Variants in ZSWIM6 observed in about 807,000 individuals in gnomAD.
ZSWIM6 encodes the protein zinc finger SWIM domain-containing protein 6.
In ZSWIM6, 9 loss-of-function variants were observed where a neutral mutation model predicts 113.2. The ratio of observed to expected loss-of-function variants is 0.08; its 90% CI spans 0.05 to 0.14. The LOEUF is 0.14. ZSWIM6 is among the 10% of genes least tolerant of loss of function. The pLI is 1.00. For missense variants in ZSWIM6, 1,162 were observed against 1,552.2 expected (o/e 0.75, Z 4.22); for synonymous variants, 611 against 606.5 (o/e 1.01, Z -0.11).
Position 61,455,528 on chromosome 5 carries a change from C to T in ZSWIM6, c.677-17153C>T, listed in dbSNP as rs529848938. Among the ~76,000 whole-genome samples the T allele has an allele frequency of 7.3e-4, 111 of 152,270 alleles. 1 individual carries two copies. The South Asian group carries it at 0.011, about 15-fold the overall frequency. On this transcript the variant is annotated intron_variant, in intron 1 of 13. Coordinates refer to ENST00000252744, the MANE Select transcript of ZSWIM6 (RefSeq NM_020928.2). ...TTTCCAAACTCCTGGAAGATTTAAA[C>T]CAGCATTTTAGAAGAACCAGAAGGA...
chr5:61,469,031 G>A (rs1222265533), intron 1 of ZSWIM6, among the ~76,000 whole-genome samples: 3 of 151,924 alleles, frequency 2.0e-5, no homozygotes, highest in African/African-American at 7.3e-5. Flanking sequence ...AAAACAAAAC[G>A]AATAGGCCTC....
chr5:61,395,334 A>G (rs984653049), intron 1 of ZSWIM6, among the ~76,000 whole-genome samples: 42 of 152,130 alleles, frequency 2.8e-4, no homozygotes, highest in African/African-American at 9.9e-4. Context: ...CTGACAGACC[A>G]AGAGAGGACA....
chr5:61,451,693 T>C (rs924702743), intron 1 of ZSWIM6, among the ~76,000 whole-genome samples: 21 of 152,208 alleles, frequency 1.4e-4, no homozygotes, highest in Admixed American at 1.3e-3. Context: ...CATTAATTAG[T>C]GAAGCTTGTT....
At chr5:61,388,611 G>T (rs1745639896) in intron 1 of ZSWIM6, among the ~76,000 whole-genome samples, 1 of 152,216 alleles carries the variant, frequency 6.6e-6, no homozygotes, top group African/African-American at 2.4e-5. Context: ...CAACAACCCT[G>T]TGAGAGATAA....
At chr5:61,340,258 A>G (rs887695062) in intron 1 of ZSWIM6, among the ~76,000 whole-genome samples, 3 of 152,212 alleles carry the variant, frequency 2.0e-5, no homozygotes, top group Non-Finnish European at 2.9e-5. Context: ...AGCTGATAGT[A>G]AACTGTTGCT....
At chr5:61,441,556 TTATC>T (rs1315846486) in intron 1 of ZSWIM6, among the ~76,000 whole-genome samples, 2 of 152,302 alleles carry the variant, frequency 1.3e-5, no homozygotes, top group African/African-American at 4.8e-5. Context: ...ACCTTAAAAA[TTATC>T]TAGTCTGTCT....
At chr5:61,336,910 G>A (rs2112020929) in intron 1 of ZSWIM6, among the ~76,000 whole-genome samples, 1 of 152,300 alleles carries the variant, frequency 6.6e-6, no homozygotes, top group Non-Finnish European at 1.5e-5. Context: ...TAACCCAATA[G>A]GAAAATGGGC....
intron 1 of ZSWIM6, among the ~76,000 whole-genome samples, chr5:61,355,898 A>C (rs1349388404): frequency 6.6e-6 from 1 of 152,212 alleles, no homozygotes; most frequent in East Asian, 1.9e-4. Flanking sequence ...ACTACTAGGA[A>C]ATTTAAAATT....
intron 1 of ZSWIM6, among the ~76,000 whole-genome samples, chr5:61,338,992 C>CT (rs1012455941): frequency 6.6e-6 from 1 of 151,904 alleles, no homozygotes; most frequent in Admixed American, 6.6e-5. Flanking sequence ...TCCTGGGCCT[C>CT]TTTTTTTTCC....
chr5:61,493,284 C>G (rs1748228168), intron 3 of ZSWIM6, among the ~76,000 whole-genome samples: 1 of 152,064 alleles, frequency 6.6e-6, no homozygotes, highest in Non-Finnish European at 1.5e-5. Context: ...TAGAAGTATG[C>G]TGCTGCTCTT....
intron 4 of ZSWIM6, among the ~76,000 whole-genome samples, chr5:61,508,627 T>C (rs563754500): frequency 3.9e-5 from 6 of 152,304 alleles, no homozygotes; most frequent in Non-Finnish European, 8.8e-5. Context: ...TACTGTCTCA[T>C]GAAAATATGA....
intron 3 of ZSWIM6, among the ~76,000 whole-genome samples, chr5:61,492,226 C>G (rs1261981279): frequency 6.6e-6 from 1 of 151,962 alleles, no homozygotes; most frequent in East Asian, 1.9e-4. Context: ...TCCATAAATA[C>G]TAATAATGTA....
rs756935198 is a variant in ZSWIM6, at chr5:61,535,519, C to T, written c.2281C>T (p.Arg761Trp). Residue 761 changes from arginine to tryptophan, a missense_variant, in exon 10 of 14, where the codon CGG (arginine) becomes TGG (tryptophan). Arg to Trp is a moderately radical substitution (Grantham distance 101, BLOSUM62 -3). Coordinates refer to ENST00000252744, the MANE Select transcript of ZSWIM6 (RefSeq NM_020928.2). ...PYSGLGEIIH[R>W]ESVPMHTFAK... ...TAGTGGTTTAGGTGAAATAATCCAT[C>T]GGGAGAGCGTTCCAATGCACACATT... 1.5e-5 allele frequency: 24 copies of T among 1,551,352 alleles called. No homozygotes were observed. In the Middle Eastern group the frequency reaches 2.3e-3, roughly 151 times the overall value.
chr5:61,427,517 C>T (rs1224401057), intron 1 of ZSWIM6, among the ~76,000 whole-genome samples: 6 of 152,122 alleles, frequency 3.9e-5, no homozygotes, highest in Non-Finnish European at 8.8e-5. Context: ...GTTGCTCTGT[C>T]ACCTAGGCTG....
At position 61,521,248 on chromosome 5, in the gene ZSWIM6, C is replaced by T. The variant is rs143225117; in HGVS notation, c.1334-15C>T. ...AATTTTTGAACATTTATTTTCCTTT[C>T]CTCCTTTAAATTAGGTGCTCTGTGG... is the stretch of plus-strand genomic sequence containing the variant. On this transcript the variant is annotated splice_polypyrimidine_tract_variant and intron_variant, in intron 4 of 13. Transcript: ENST00000252744. 28,282 of 1,290,292 alleles carry T rather than the reference C, an allele frequency of 0.022. 369 individuals carry two copies. Among genetic ancestry groups the T allele is most frequent in the Non-Finnish European group, 0.026 (25,820 of 1,006,152 alleles). The allele number at this position is 1,290,292 out of a possible 1,614,324, so 79.9% of individuals were successfully genotyped here. A position where few individuals can be genotyped will look rare whatever the true frequency, so the allele number is the denominator to read the frequency against.
chr5:61,464,690 C>G (rs1747397579), intron 1 of ZSWIM6, among the ~76,000 whole-genome samples: 2 of 152,178 alleles, frequency 1.3e-5, no homozygotes, highest in Admixed American at 6.5e-5. Flanking sequence ...TCTGAGCATA[C>G]TTTCCCCTTC....
At chr5:61,383,833 C>T (rs980609149) in intron 1 of ZSWIM6, among the ~76,000 whole-genome samples, 1 of 151,598 alleles carries the variant, frequency 6.6e-6, no homozygotes, top group African/African-American at 2.4e-5. Flanking sequence ...AGGGATGAGC[C>T]ATCACACCTG....
intron 1 of ZSWIM6, among the ~76,000 whole-genome samples, chr5:61,343,091 T>C (rs887444308): frequency 6.6e-6 from 1 of 152,214 alleles, no homozygotes; most frequent in Admixed American, 6.5e-5. Flanking sequence ...TTAAGGTCCT[T>C]TTAAAATGTT....
intron 1 of ZSWIM6, among the ~76,000 whole-genome samples, chr5:61,359,209 A>C (rs905329240): frequency 1.3e-5 from 2 of 151,634 alleles, no homozygotes; most frequent in African/African-American, 4.8e-5. Context: ...CCAAAGGGGG[A>C]GTTTGGGGAA....
Sources: allele counts gnomAD v4.1 joint callset (sites outside exome capture counted in the v4.1 genomes callset), GRCh38; gene constraint gnomAD v4.1.1; transcripts MANE v1.5; gene names NCBI Gene and HGNC (gene_info 2026-07-23, HGNC 2026-07-21).